TMEM132D: variants seen among roughly 807,000 people sequenced by gnomAD.
The protein encoded by TMEM132D is mature OL transmembrane protein.
TMEM132D carries 21 observed loss-of-function variants against 62.3 expected under a neutral mutation model. That is an observed-to-expected ratio of 0.34 (90% CI 0.24 to 0.49). The LOEUF (loss-of-function observed/expected upper bound fraction) is 0.49, where lower values mean the gene tolerates loss of function less well. Ranked by LOEUF, TMEM132D falls within the 20% of genes least tolerant of loss-of-function variation. The probability of loss-of-function intolerance (pLI) is 0.99; values close to 1 mark genes in which losing one functional copy is unlikely to be tolerated. For missense variants in TMEM132D, 1,346 were observed against 1,402.8 expected (o/e 0.96, Z 0.65); for synonymous variants, 621 against 575.6 (o/e 1.08, Z -1.13).
chr12:129,421,905 C>T (rs1872335316), intron 3 of TMEM132D, among the ~76,000 whole-genome samples: 1 of 152,072 alleles, frequency 6.6e-6, no homozygotes, highest in South Asian at 2.1e-4. Context: ...AAAATTCAGT[C>T]TGAGTTGTGG....
chr12:129,708,073 T>C (rs1881547994), intron 1 of TMEM132D, among the ~76,000 whole-genome samples: 1 of 151,950 alleles, frequency 6.6e-6, no homozygotes, highest in Non-Finnish European at 1.5e-5. Context: ...AAAGATCAGC[T>C]GGGCGTGGTG....
At chr12:129,841,710 G>A (rs11060579) in intron 1 of TMEM132D, among the ~76,000 whole-genome samples, 19,153 of 152,104 alleles carry the variant, frequency 0.13, 1,815 homozygotes, top group East Asian at 0.52. Context: ...AGGTGAATGC[G>A]TCACTGCTAA....
At chr12:129,649,418 C>T (rs1004102239) in intron 2 of TMEM132D, among the ~76,000 whole-genome samples, 1 of 152,146 alleles carries the variant, frequency 6.6e-6, no homozygotes, top group Non-Finnish European at 1.5e-5. Flanking sequence ...CACCCCCACA[C>T]AGGGTAAAAT....
Position 129,074,774 on chromosome 12 carries a change from C to T in TMEM132D, c.2401G>A (p.Asp801Asn), listed in dbSNP as rs765570907. 34 of 1,614,108 alleles carry T rather than the reference C, an allele frequency of 2.1e-5. No homozygotes were observed. Among genetic ancestry groups the T allele is most frequent in the South Asian group, 5.5e-5 (5 of 91,074 alleles). ...CTGTCACTGGTGTTGGGGTTAGCATCGTTTTGGCCAAATTTAACTTTGATG... is the reference window on the plus strand; with the variant it reads ...CTGTCACTGGTGTTGGGGTTAGCATTGTTTTGGCCAAATTTAACTTTGATG... ...ANIKVKFGQNDANPNTSDSRH... is the reference protein window; with the variant it reads ...ANIKVKFGQNNANPNTSDSRH... Residue 801 changes from aspartate to asparagine, a missense_variant, in exon 9 of 9, where the codon GAT becomes AAT. By Grantham distance (23) the Asp-to-Asn change is conservative (BLOSUM62 1). Coordinates refer to ENST00000422113, the MANE Select transcript of TMEM132D (RefSeq NM_133448.3).
intron 2 of TMEM132D, among the ~76,000 whole-genome samples, chr12:129,537,470 G>T (rs1876429965): frequency 6.6e-6 from 1 of 152,134 alleles, no homozygotes. Context: ...ATGTGACAAG[G>T]AAGCTCAGCT....
At chr12:129,168,515 T>TTA (rs1199975613) in intron 5 of TMEM132D, among the ~76,000 whole-genome samples, 3 of 152,146 alleles carry the variant, frequency 2.0e-5, no homozygotes, top group Middle Eastern at 3.4e-3. Flanking sequence ...ATACATGGAG[T>TTA]TATATAAGAC....
chr12:129,851,880 T>G (rs1183024003), intron 1 of TMEM132D, among the ~76,000 whole-genome samples: 1 of 152,240 alleles, frequency 6.6e-6, no homozygotes, highest in Non-Finnish European at 1.5e-5. Context: ...AAACTTTGTG[T>G]TTGCCCACCA....
intron 2 of TMEM132D, among the ~76,000 whole-genome samples, chr12:129,611,221 T>C (rs913187387): frequency 2.0e-5 from 3 of 152,172 alleles, no homozygotes; most frequent in Non-Finnish European, 2.9e-5. Flanking sequence ...GTAGGTACTG[T>C]AGTGTCTAGA....
chr12:129,390,913 A>G (rs189019985), intron 3 of TMEM132D, among the ~76,000 whole-genome samples: 2 of 152,292 alleles, frequency 1.3e-5, no homozygotes, highest in Non-Finnish European at 2.9e-5. Flanking sequence ...GTTTATTTGT[A>G]AAATATTGAG....
At chr12:129,104,265 A>G (rs1256444638) in intron 5 of TMEM132D, among the ~76,000 whole-genome samples, 14 of 151,718 alleles carry the variant, frequency 9.2e-5, no homozygotes, top group Non-Finnish European at 2.1e-4. Context: ...GATCTTTGAC[A>G]AACCTGACAA....
chr12:129,283,901 C>T (rs569725169), intron 4 of TMEM132D, among the ~76,000 whole-genome samples: 2 of 152,328 alleles, frequency 1.3e-5, no homozygotes, highest in Admixed American at 6.5e-5. Flanking sequence ...TCCCCCTGAC[C>T]CCTTGAATAT....
intron 1 of TMEM132D, among the ~76,000 whole-genome samples, chr12:129,704,682 C>G (rs553023851): frequency 2.0e-5 from 3 of 146,354 alleles, no homozygotes; most frequent in African/African-American, 7.3e-5. Context: ...CCAGGGATGC[C>G]GGGTCATATG....
intron 3 of TMEM132D, among the ~76,000 whole-genome samples, chr12:129,504,061 A>C (rs1875254996): frequency 6.6e-6 from 1 of 151,828 alleles, no homozygotes; most frequent in Admixed American, 6.6e-5. Context: ...CATCATTGTC[A>C]TCATCACCAT....
At position 129,091,216 on chromosome 12, in the gene TMEM132D, A is replaced by G. The variant is rs897149312; in HGVS notation, c.1444-6514T>C. 4.0e-5 allele frequency among the ~76,000 whole-genome samples: 6 copies of G among 150,732 alleles called. No homozygotes were observed. The East Asian group carries it at 1.2e-3, about 30-fold the overall frequency. ...AGTTTACCTGGGCTCTGGGGACCTT[A>G]CTTCCGTTCACTTGGGCTCTGGAGA... On this transcript the variant is annotated intron_variant, in intron 5 of 8. Coordinates refer to ENST00000422113, the MANE Select transcript of TMEM132D (RefSeq NM_133448.3).
intron 3 of TMEM132D, among the ~76,000 whole-genome samples, chr12:129,358,017 A>G (rs1222071256): frequency 6.6e-6 from 1 of 152,226 alleles, no homozygotes; most frequent in Non-Finnish European, 1.5e-5. Flanking sequence ...TTTTCAGTAT[A>G]AAAACTTTTC....
chr12:129,860,487 C>T (rs2137367436), intron 1 of TMEM132D, among the ~76,000 whole-genome samples: 1 of 152,328 alleles, frequency 6.6e-6, no homozygotes, highest in South Asian at 2.1e-4. Flanking sequence ...TGCCCCAGGG[C>T]ATTAAACTCG....
chr12:129,365,858 G>A (rs1231970052), intron 3 of TMEM132D, among the ~76,000 whole-genome samples: 1 of 151,958 alleles, frequency 6.6e-6, no homozygotes, highest in Admixed American at 6.5e-5. Flanking sequence ...CACACGTGCC[G>A]CAGGGGGGCA....
At chr12:129,894,868 C>T (rs752168475) in intron 1 of TMEM132D, among the ~76,000 whole-genome samples, 42 of 152,124 alleles carry the variant, frequency 2.8e-4, no homozygotes, top group African/African-American at 7.2e-4. Context: ...CCCAAGTCAG[C>T]GTGTGTGATC....
At chr12:129,764,639 GCCT>G (rs1406591858) in intron 1 of TMEM132D, among the ~76,000 whole-genome samples, 5 of 152,064 alleles carry the variant, frequency 3.3e-5, no homozygotes, top group Non-Finnish European at 7.4e-5. Flanking sequence ...TCTGTTCATT[GCCT>G]CCTAATAACC....
Sources: gnomAD v4.1 joint callset for allele counts (sites outside exome capture counted in the v4.1 genomes callset) on GRCh38, gnomAD v4.1.1 for gene constraint, MANE v1.5 for transcripts, NCBI Gene and HGNC (gene_info 2026-07-23, HGNC 2026-07-21) for gene names.